CDKL5: variants seen among roughly 807,000 people sequenced by gnomAD.
CDKL5 encodes the protein cyclin dependent kinase like 5.
Under a neutral mutation model 61.7 loss-of-function variants are expected in CDKL5, and 8 were observed. The ratio of observed to expected loss-of-function variants is 0.13; its 90% CI spans 0.08 to 0.23. The LOEUF (loss-of-function observed/expected upper bound fraction) is 0.23, where lower values mean the gene tolerates loss of function less well. Ranked by LOEUF, CDKL5 falls within the 10% of genes least tolerant of loss-of-function variation. CDKL5 has a pLI of 1.00. For synonymous variants in CDKL5, 275 were observed against 272.3 expected, an observed-to-expected ratio of 1.01 and a Z score of -0.10; for missense variants, 440 against 734.5, an observed-to-expected ratio of 0.60 and a Z score of 4.63.
intron 3 of CDKL5, among the ~76,000 whole-genome samples, chrX:18,544,398 A>C (rs780522097): frequency 6.2e-5 from 7 of 112,421 alleles, no homozygotes; most frequent in African/African-American, 2.3e-4. Flanking sequence ...GATAATGGTG[A>C]TACTGTTTTT....
chrX:18,641,136 A>G (rs1466989423), downstream of CDKL5: 1 of 111,995 alleles, frequency 8.9e-6, no homozygotes, highest in African/African-American at 3.2e-5. Flanking sequence ...TTCTCGAACT[A>G]TGTTTGGTTT....
chrX:18,538,234 T>C (rs752958331), intron 3 of CDKL5, among the ~76,000 whole-genome samples: 1 of 112,344 alleles, frequency 8.9e-6, no homozygotes, highest in South Asian at 3.7e-4. Flanking sequence ...TTGGCATCTG[T>C]CTATTTTCTT....
chrX:18,512,429 T>A (rs1430969057), intron 3 of CDKL5, among the ~76,000 whole-genome samples: 1 of 111,594 alleles, frequency 9.0e-6, no homozygotes, highest in East Asian at 2.8e-4. Flanking sequence ...TGCTTTTTCT[T>A]TCCTATTGTA....
chrX:18,504,127 A>G, intron 1 of CDKL5, among the ~76,000 whole-genome samples: 1 of 109,635 alleles, frequency 9.1e-6, no homozygotes, highest in East Asian at 2.9e-4. Context: ...TTTGGTGGAG[A>G]CAGGGTCTCA....
At chrX:18,650,415 T>C in exon 21 of CDKL5, 1 of 1,211,374 alleles carries the variant, frequency 8.3e-7, no homozygotes, top group Non-Finnish European at 1.1e-6. Flanking sequence ...TCCAGGAGAA[T>C]ACTTCTGCTG....
chrX:18,564,657 C>T (rs1924909898), intron 4 of CDKL5, 135 bp downstream of exon 4: 1 of 203,440 alleles, frequency 4.9e-6, no homozygotes, highest in Admixed American at 7.3e-5. Flanking sequence ...TTTGAAGTCA[C>T]AATCTCAGAA....
In CDKL5 at chrX:18,634,230, C is replaced by A. The variant is rs972938668; in HGVS notation, c.*5473C>A. On this transcript the variant is annotated 3_prime_UTR_variant, in exon 18 of 18. Transcript: ENST00000623535. ...AGGCCTTATCTGTTCCTCCATCCCC[C>A]CTGTTTTGACAGACTGCTAAGAATT... 2 of 751,281 alleles carry A rather than the reference C, an allele frequency of 2.7e-6. No homozygotes were observed. Among genetic ancestry groups the A allele is most frequent in the Non-Finnish European group, 3.1e-6 (2 of 638,164 alleles). The allele number at this position is 751,281 out of a possible 1,213,427, so 61.9% of individuals were successfully genotyped here.
chrX:18,501,649 A>G (rs1922390567), intron 1 of CDKL5, among the ~76,000 whole-genome samples: 1 of 111,446 alleles, frequency 9.0e-6, no homozygotes, highest in African/African-American at 3.3e-5. Flanking sequence ...TCCGGGTTCA[A>G]GCAATTCTCC....
intron 1 of CDKL5, among the ~76,000 whole-genome samples, chrX:18,448,640 G>A (rs933822535): frequency 3.6e-5 from 4 of 111,777 alleles, no homozygotes; most frequent in African/African-American, 1.3e-4. Context: ...ATTATGAGGA[G>A]TAAGGATGTC....
intron 1 of CDKL5, among the ~76,000 whole-genome samples, chrX:18,433,932 C>T (rs772432725): frequency 1.8e-5 from 2 of 112,446 alleles, no homozygotes; most frequent in South Asian, 3.7e-4. Flanking sequence ...ATGCCTAATG[C>T]GCGTGTCGTA....
At chrX:18,586,892 G>C (rs1230231524) in intron 8 of CDKL5, among the ~76,000 whole-genome samples, 4 of 111,576 alleles carry the variant, frequency 3.6e-5, no homozygotes, top group Non-Finnish European at 5.7e-5. Context: ...TTACCAAAAA[G>C]ATCTAAATGA....
intron 1 of CDKL5, among the ~76,000 whole-genome samples, chrX:18,477,047 C>T (rs375750440): frequency 2.7e-5 from 3 of 111,313 alleles, no homozygotes; most frequent in East Asian, 2.8e-4. Flanking sequence ...GGATTACAGG[C>T]GTGAGCCACT....
At chrX:18,474,999 C>T (rs1264113036) in intron 1 of CDKL5, among the ~76,000 whole-genome samples, 2 of 107,115 alleles carry the variant, frequency 1.9e-5, no homozygotes, top group African/African-American at 3.4e-5. Context: ...CACTCTGTTG[C>T]CCAGGCTGGA....
intron 2 of CDKL5, among the ~76,000 whole-genome samples, chrX:18,508,646 ATCT>A (rs1311831656): frequency 1.8e-5 from 2 of 110,029 alleles, no homozygotes; most frequent in Non-Finnish European, 3.8e-5. Context: ...ATAGGTGATC[ATCT>A]TCTTTGGGAT....
At position 18,638,606 on chromosome X, in the gene CDKL5, A is replaced by C. The variant is rs1432525229; in HGVS notation, c.*9849A>C. The stretch of plus-strand genomic sequence containing the variant: ...AGTAAATAATATGCTGTTGTAAGCA[A>C]ATTATCTGCAGATAAATGTCTTATG... On this transcript the variant is annotated 3_prime_UTR_variant, in exon 18 of 18. Transcript: ENST00000623535. 8.9e-6 allele frequency among the ~76,000 whole-genome samples: 1 copy of C among 112,629 alleles called. No homozygotes were observed. The highest frequency in any genetic ancestry group is 1.9e-5 in the Non-Finnish European group (1 of 53,370).
chrX:18,498,610 T>G (rs1178025547), intron 1 of CDKL5, among the ~76,000 whole-genome samples: 1 of 111,887 alleles, frequency 8.9e-6, no homozygotes, highest in Non-Finnish European at 1.9e-5. Flanking sequence ...TATAGATTTG[T>G]ATTTTTGTTA....
chrX:18,631,015 C>T lies in CDKL5; in HGVS notation c.*2258C>T. The stretch of plus-strand genomic sequence containing the variant: ...ACTTTTTTTCTCTGGAAAGACTTCT[C>T]ACTGTGCTATGCGCTTAGGAACTGC... On this transcript the variant is annotated 3_prime_UTR_variant, in exon 18 of 18. Transcript: ENST00000623535. 1.3e-6 allele frequency: 1 copy of T among 751,478 alleles called. No homozygotes were observed. The highest frequency in any genetic ancestry group is 6.9e-5 in the South Asian group (1 of 14,595). The allele number at this position is 751,478 out of a possible 1,213,427, so 61.9% of individuals were successfully genotyped here.
At chrX:18,503,273 T>TC (rs1922454017) in intron 1 of CDKL5, among the ~76,000 whole-genome samples, 1 of 112,347 alleles carries the variant, frequency 8.9e-6, no homozygotes, top group African/African-American at 3.2e-5. Flanking sequence ...AGCCTCCGCT[T>TC]CCCGGGCTCA....
intron 20 of CDKL5, chrX:18,647,387 C>T: frequency 6.0e-6 from 7 of 1,168,289 alleles, no homozygotes; most frequent in Non-Finnish European, 8.2e-6. Flanking sequence ...CAACAAGCAC[C>T]AGGTGACTGA....
Sources: allele counts gnomAD v4.1 joint callset (sites outside exome capture counted in the v4.1 genomes callset), GRCh38; gene constraint gnomAD v4.1.1; transcripts MANE v1.5; gene names NCBI Gene and HGNC (gene_info 2026-07-23, HGNC 2026-07-21).